The following NCKAP5 variants were observed in gnomAD, a reference collection of about 807,000 sequenced individuals.
NCKAP5 encodes nck-associated protein 5.
Under a neutral mutation model 167.0 loss-of-function variants are expected in NCKAP5, and 92 were observed. The ratio of observed to expected loss-of-function variants is 0.55; its 90% CI spans 0.47 to 0.66. The LOEUF (loss-of-function observed/expected upper bound fraction) is 0.66. Among genes scored for constraint, NCKAP5 ranks in the 30% least tolerant of loss-of-function variants. NCKAP5 has a pLI of 0.00. For missense variants in NCKAP5, 2,378 were observed against 2,315.0 expected (o/e 1.03, Z -0.56); for synonymous variants, 891 against 877.4 (o/e 1.02, Z -0.27).
At chr2:133,207,325 T>G (rs2085997462) in intron 5 of NCKAP5, among the ~76,000 whole-genome samples, 1 of 152,174 alleles carries the variant, frequency 6.6e-6, no homozygotes, top group African/African-American at 2.4e-5. Context: ...CAGGGCTCTT[T>G]TGGGGGCTGG....
At chr2:132,912,283 T>C (rs746905737) in intron 8 of NCKAP5, among the ~76,000 whole-genome samples, 7 of 152,162 alleles carry the variant, frequency 4.6e-5, no homozygotes, top group Non-Finnish European at 1.0e-4. Context: ...AAGAAATGCA[T>C]CCTATCCTAG....
At chr2:132,860,713 T>A in intron 10 of NCKAP5, 102 bp from the exon 11 acceptor site, 2 of 1,350,086 alleles carry the variant, frequency 1.5e-6, no homozygotes, top group Non-Finnish European at 2.0e-6. Flanking sequence ...TAAAAAACGG[T>A]ATTTTTATTC....
intron 3 of NCKAP5, among the ~76,000 whole-genome samples, chr2:133,359,785 T>A (rs1434344717): frequency 1.3e-5 from 2 of 152,236 alleles, no homozygotes; most frequent in African/African-American, 4.8e-5. Context: ...ACTAATACTA[T>A]ATATTTGGCT....
chr2:133,562,883 T>C (rs1013621430), intron 1 of NCKAP5, among the ~76,000 whole-genome samples: 34 of 152,174 alleles, frequency 2.2e-4, no homozygotes, highest in African/African-American at 6.5e-4. Flanking sequence ...AATGTGTGGG[T>C]AATGTTCTAT....
chr2:133,269,177 C>T (rs1214572198), intron 4 of NCKAP5: 3 of 152,158 alleles, frequency 2.0e-5, no homozygotes, highest in Admixed American at 2.0e-4. Context: ...CTCATGTTTA[C>T]TCAATTATTT....
chr2:133,383,672 G>C (rs1446422898), intron 3 of NCKAP5, among the ~76,000 whole-genome samples: 1 of 152,202 alleles, frequency 6.6e-6, no homozygotes, highest in Non-Finnish European at 1.5e-5. Context: ...CTAGTTTACA[G>C]TCCCACCAAC....
At chr2:133,032,269 T>A (rs1383622089) in intron 6 of NCKAP5, among the ~76,000 whole-genome samples, 1 of 152,178 alleles carries the variant, frequency 6.6e-6, no homozygotes, top group East Asian at 1.9e-4. Context: ...AGGCAGCATT[T>A]ACCAGAAGTT....
intron 15 of NCKAP5, among the ~76,000 whole-genome samples, chr2:132,774,809 G>A (rs1472700896): frequency 6.6e-6 from 1 of 152,222 alleles, no homozygotes; most frequent in Non-Finnish European, 1.5e-5. Flanking sequence ...CCTTACAACA[G>A]TGCTATGAAG....
intron 10 of NCKAP5, among the ~76,000 whole-genome samples, chr2:132,861,877 A>G (rs1447543): frequency 0.27 from 41,439 of 152,208 alleles, 6,131 homozygotes; most frequent in East Asian, 0.45. Context: ...TGAAATAACC[A>G]CACCAGCATA....
chr2:132,925,882 A>G (rs554771130), intron 8 of NCKAP5, among the ~76,000 whole-genome samples: 2 of 152,330 alleles, frequency 1.3e-5, no homozygotes, highest in South Asian at 4.1e-4. Context: ...TTTTTTACTA[A>G]TCTTTTCTAA....
At chr2:133,207,159 A>AT (rs1350746996) in intron 5 of NCKAP5, among the ~76,000 whole-genome samples, 1 of 152,004 alleles carries the variant, frequency 6.6e-6, no homozygotes, top group Non-Finnish European at 1.5e-5. Context: ...AAAATCCCTA[A>AT]TAAAAACTTG....
At chr2:132,852,931 C>A (rs1689183962) in intron 11 of NCKAP5, among the ~76,000 whole-genome samples, 1 of 152,158 alleles carries the variant, frequency 6.6e-6, no homozygotes, top group Admixed American at 6.5e-5. Context: ...TAAATGATGA[C>A]CTTTTTAAGT....
At chr2:132,979,561 C>T (rs991784084) in intron 7 of NCKAP5, among the ~76,000 whole-genome samples, 4 of 152,172 alleles carry the variant, frequency 2.6e-5, no homozygotes, top group African/African-American at 4.8e-5. Context: ...ATTCCCCAAA[C>T]ATCAGGCCGC....
At chr2:133,379,898 C>T (rs562242740) in intron 3 of NCKAP5, among the ~76,000 whole-genome samples, 1 of 152,242 alleles carries the variant, frequency 6.6e-6, no homozygotes, top group South Asian at 2.1e-4. Flanking sequence ...TGAAGGGAAA[C>T]AGCCCAGTGC....
the NCKAP5 span, among the ~76,000 whole-genome samples, chr2:133,669,239 A>G: frequency 1.3e-5 from 2 of 152,180 alleles, no homozygotes; most frequent in African/African-American, 2.4e-5. Context: ...GCTGAGATTC[A>G]GCTAATCTTT....
intron 6 of NCKAP5, among the ~76,000 whole-genome samples, chr2:133,036,751 T>A (rs1439941691): frequency 3.9e-5 from 6 of 151,942 alleles, no homozygotes; most frequent in African/African-American, 1.4e-4. Flanking sequence ...TCCTTTAATA[T>A]CTGAAACATG....
At chr2:133,314,117 T>C (rs925309691) in intron 3 of NCKAP5, among the ~76,000 whole-genome samples, 2 of 152,136 alleles carry the variant, frequency 1.3e-5, no homozygotes, top group Non-Finnish European at 2.9e-5. Context: ...ATGTTCTAAT[T>C]TTCTCTCCCA....
chr2:132,914,578 A>G (rs548398686), intron 8 of NCKAP5, among the ~76,000 whole-genome samples: 1 of 152,036 alleles, frequency 6.6e-6, no homozygotes, highest in South Asian at 2.1e-4. Flanking sequence ...ACTCTCTGAA[A>G]CCCAAATGCT....
chr2:132,703,276 T>C (rs1294895265), intron 19 of NCKAP5, among the ~76,000 whole-genome samples: 1 of 152,216 alleles, frequency 6.6e-6, no homozygotes, highest in East Asian at 1.9e-4. Context: ...CAAATACATA[T>C]ATATCCAAAC....
Sources: gnomAD v4.1 joint callset for allele counts (sites outside exome capture counted in the v4.1 genomes callset) on GRCh38, gnomAD v4.1.1 for gene constraint, MANE v1.5 for transcripts, NCBI Gene and HGNC (gene_info 2026-07-23, HGNC 2026-07-21) for gene names.